Variants in VTI1A observed in about 807,000 individuals in gnomAD.
The protein encoded by VTI1A is vesicle transport through interaction with t-SNAREs 1A.
Under a neutral mutation model 34.9 loss-of-function variants are expected in VTI1A, and 22 were observed. That is an observed-to-expected ratio of 0.63 (90% CI 0.45 to 0.90). The LOEUF (loss-of-function observed/expected upper bound fraction) is 0.90, where lower values mean the gene tolerates loss of function less well. Ranked by LOEUF, VTI1A falls within the 40% of genes least tolerant of loss-of-function variation. The probability of loss-of-function intolerance (pLI) is 0.00; values close to 1 mark genes in which losing one functional copy is unlikely to be tolerated. For synonymous variants in VTI1A, 87 were observed against 97.3 expected (o/e 0.89, Z 0.62); for missense variants, 268 against 275.6 (o/e 0.97, Z 0.20).
chr10:112,566,383 C>G (rs1392149631), intron 5 of VTI1A, among the ~76,000 whole-genome samples: 2 of 152,132 alleles, frequency 1.3e-5, no homozygotes, highest in African/African-American at 2.4e-5. Context: ...ATAAGCACTT[C>G]TTAACTTTTA....
At chr10:112,598,648 A>G (rs1448774751) in intron 5 of VTI1A, among the ~76,000 whole-genome samples, 1 of 152,200 alleles carries the variant, frequency 6.6e-6, no homozygotes. Flanking sequence ...ATAGTTCATA[A>G]TGTAGGATAC....
chr10:112,685,733 GT>G (rs1848380690), intron 7 of VTI1A, among the ~76,000 whole-genome samples: 1 of 151,766 alleles, frequency 6.6e-6, no homozygotes, highest in Non-Finnish European at 1.5e-5. Context: ...TTTTTATTTA[GT>G]TACTTTTCAA....
intron 7 of VTI1A, chr10:112,736,911 A>G (rs1038240249): frequency 3.0e-6 from 2 of 671,614 alleles, no homozygotes; most frequent in African/African-American, 3.6e-5. Context: ...TGCGCAGTGC[A>G]TGAGTACTTG....
At chr10:112,792,248 C>G (rs1332158796) in intron 7 of VTI1A, among the ~76,000 whole-genome samples, 1 of 152,170 alleles carries the variant, frequency 6.6e-6, no homozygotes, top group Non-Finnish European at 1.5e-5. Context: ...ATACTCCAGC[C>G]TGGGCGACAG....
At chr10:112,628,898 T>C (rs1156992848) in intron 5 of VTI1A, among the ~76,000 whole-genome samples, 1 of 152,156 alleles carries the variant, frequency 6.6e-6, no homozygotes, top group Non-Finnish European at 1.5e-5. Context: ...GTGTCTACAT[T>C]TAAAGTATGA....
At chr10:112,559,744 C>A (rs986461674) in intron 5 of VTI1A, among the ~76,000 whole-genome samples, 1 of 152,146 alleles carries the variant, frequency 6.6e-6, no homozygotes, top group African/African-American at 2.4e-5. Flanking sequence ...AATGTTAATT[C>A]TGTACACACA....
the VTI1A span, among the ~76,000 whole-genome samples, chr10:112,849,874 G>T: frequency 1.3e-5 from 2 of 152,172 alleles, no homozygotes; most frequent in African/African-American, 4.8e-5. Context: ...AGGCAGCCCT[G>T]GCGAGGTGGG....
At chr10:112,475,364 A>C (rs74914974) in intron 3 of VTI1A, among the ~76,000 whole-genome samples, 2,496 of 152,364 alleles carry the variant, frequency 0.016, 53 homozygotes, top group African/African-American at 0.056. Flanking sequence ...AGTCATGTGC[A>C]TGTAAATTCT....
chr10:112,464,624 C>A lies in VTI1A; in HGVS notation c.231C>A (p.Tyr77Ter). ...RGMYSNRMRS[Y>*]KQEMGKLETD... ...TGTACAGCAACAGAATGAGAAGCTA[C>A]AAACAAGAAATGGGAAAACTCGAAA... is the stretch of plus-strand genomic sequence containing the variant. The change falls in exon 3 of 8, where the codon TAC (tyrosine) becomes TAA (stop). Residue 77 changes from tyrosine (Y) to a stop codon, truncating the protein, a stop_gained. Coordinates refer to ENST00000393077, the MANE Select transcript of VTI1A (RefSeq NM_145206.4). LOFTEE classifies it high-confidence loss of function. 6.2e-7 allele frequency: 1 copy of A among 1,612,410 alleles called. No homozygotes were observed.
In VTI1A at chr10:112,816,589, G is replaced by T. The variant is rs906055774; in HGVS notation, c.*1206G>T. 4.4e-6 allele frequency: 1 copy of T among 226,158 alleles called. No individual in the cohort carries two copies. The highest frequency in any genetic ancestry group is 2.2e-5 in the African/African-American group (1 of 44,948). 14.0% of individuals were successfully genotyped at this position (226,158 alleles called of 1,614,324 possible). On this transcript the variant is annotated 3_prime_UTR_variant, in exon 8 of 8. Transcript: ENST00000393077. ...TAACCAGGAATTGCGTTCAAAATGA[G>T]CTCATTTGTGATCAGGCTTAAAAGT...
At chr10:112,849,589 C>T in the VTI1A span, among the ~76,000 whole-genome samples, 3 of 152,172 alleles carry the variant, frequency 2.0e-5, no homozygotes, top group African/African-American at 7.2e-5. Context: ...GAGGGGGCAG[C>T]CCTGAGGAAG....
chr10:112,834,367 G>C, the VTI1A span, among the ~76,000 whole-genome samples: 5 of 152,212 alleles, frequency 3.3e-5, no homozygotes, highest in Admixed American at 2.0e-4. Context: ...TGGCTAGAAA[G>C]AGGAGTTGAG....
At chr10:112,725,870 C>G (rs952981952) in intron 7 of VTI1A, among the ~76,000 whole-genome samples, 1 of 152,094 alleles carries the variant, frequency 6.6e-6, no homozygotes, top group South Asian at 2.1e-4. Context: ...ACTCTTTGAT[C>G]GGTGAGATCC....
At chr10:112,608,977 T>A (rs1845190216) in intron 5 of VTI1A, among the ~76,000 whole-genome samples, 1 of 152,192 alleles carries the variant, frequency 6.6e-6, no homozygotes, top group African/African-American at 2.4e-5. Context: ...GTCAAATATT[T>A]GTACTTTAAA....
chr10:112,523,235 T>C (rs1475227700), intron 3 of VTI1A, among the ~76,000 whole-genome samples: 1 of 152,080 alleles, frequency 6.6e-6, no homozygotes, highest in Non-Finnish European at 1.5e-5. Flanking sequence ...AGCAAGTGTA[T>C]CTGTTTGAAC....
chr10:112,549,837 T>G (rs993095618), intron 5 of VTI1A, among the ~76,000 whole-genome samples: 2 of 152,202 alleles, frequency 1.3e-5, no homozygotes, highest in African/African-American at 4.8e-5. Context: ...TACAAGCCTA[T>G]TAAAGTCTGA....
intron 7 of VTI1A, among the ~76,000 whole-genome samples, chr10:112,783,400 T>TGC (rs1348607155): frequency 1.3e-4 from 7 of 55,404 alleles, no homozygotes; most frequent in Non-Finnish European, 1.9e-4. Flanking sequence ...CGCGTGCACG[T>TGC]GCACACACAC....
intron 1 of VTI1A, among the ~76,000 whole-genome samples, chr10:112,448,225 C>T (rs1408442635): frequency 6.6e-6 from 1 of 150,864 alleles, no homozygotes; most frequent in South Asian, 2.1e-4. Context: ...ATTTTTCATA[C>T]CCCCCACCCC....
intron 5 of VTI1A, among the ~76,000 whole-genome samples, chr10:112,651,110 T>A (rs2133801028): frequency 6.6e-6 from 1 of 152,328 alleles, no homozygotes; most frequent in East Asian, 1.9e-4. Context: ...ATCTGTTATA[T>A]CCAGCTACTG....
Sources: gnomAD v4.1 joint callset for allele counts (sites outside exome capture counted in the v4.1 genomes callset) on GRCh38, gnomAD v4.1.1 for gene constraint, MANE v1.5 for transcripts, NCBI Gene and HGNC (gene_info 2026-07-23, HGNC 2026-07-21) for gene names.